Variants in ZNF385B observed in about 807,000 individuals in gnomAD.
ZNF385B encodes zinc finger protein 533.
ZNF385B carries 23 observed loss-of-function variants against 39.2 expected under a neutral mutation model. The ratio of observed to expected loss-of-function variants is 0.59; its 90% CI spans 0.42 to 0.83. The LOEUF is 0.83. Ranked by LOEUF, ZNF385B falls within the 40% of genes least tolerant of loss-of-function variation. The pLI, the probability that ZNF385B is intolerant of heterozygous loss-of-function variation, is 0.00. For missense variants in ZNF385B, 552 were observed against 598.9 expected, an observed-to-expected ratio of 0.92 and a Z score of 0.82; for synonymous variants, 205 against 222.6, an observed-to-expected ratio of 0.92 and a Z score of 0.70.
At chr2:179,537,400 T>G (rs1403350133) in intron 4 of ZNF385B, among the ~76,000 whole-genome samples, 1 of 152,020 alleles carries the variant, frequency 6.6e-6, no homozygotes, top group Admixed American at 6.6e-5. Context: ...CTATGTGTTT[T>G]TTCCCCATCC....
chr2:179,522,351 T>C (rs1474075), intron 4 of ZNF385B, among the ~76,000 whole-genome samples: 95,074 of 151,790 alleles, frequency 0.63, 30,746 homozygotes, highest in Admixed American at 0.71. Flanking sequence ...TTTCCTTTGC[T>C]AGTGCATTAC....
At chr2:179,457,946 G>A (rs753333495) in intron 6 of ZNF385B, among the ~76,000 whole-genome samples, 13 of 152,164 alleles carry the variant, frequency 8.5e-5, no homozygotes, top group Non-Finnish European at 1.3e-4. Flanking sequence ...GATAGAGCAT[G>A]GATTCAAACA....
chr2:179,639,185 G>A (rs1692029372), intron 3 of ZNF385B, among the ~76,000 whole-genome samples: 1 of 137,172 alleles, frequency 7.3e-6, no homozygotes, highest in South Asian at 2.4e-4. Context: ...CCAAGATGGT[G>A]CCGCTGTACT....
chr2:179,555,317 T>A (rs2060835291), intron 3 of ZNF385B, among the ~76,000 whole-genome samples: 1 of 149,424 alleles, frequency 6.7e-6, no homozygotes. Flanking sequence ...GCTTTCCTTA[T>A]AGAAAGGATG....
intron 5 of ZNF385B, among the ~76,000 whole-genome samples, chr2:179,514,511 G>T (rs557036234): frequency 6.6e-6 from 1 of 152,264 alleles, no homozygotes; most frequent in Non-Finnish European, 1.5e-5. Context: ...TATAAAAAGA[G>T]TATGGGAGCT....
intron 3 of ZNF385B, among the ~76,000 whole-genome samples, chr2:179,621,154 A>C (rs1200235203): frequency 6.6e-6 from 1 of 152,180 alleles, no homozygotes; most frequent in Non-Finnish European, 1.5e-5. Flanking sequence ...TGGGGTAGAA[A>C]AAAAGGGGAG....
At chr2:179,521,497 G>A (rs934212399) in intron 4 of ZNF385B, among the ~76,000 whole-genome samples, 1 of 151,700 alleles carries the variant, frequency 6.6e-6, no homozygotes, top group Non-Finnish European at 1.5e-5. Context: ...ATTGTGCCCG[G>A]CCCCTAATAG....
rs1272465421 is a variant in ZNF385B, at chr2:179,651,274, A to G, written c.299-106305T>C. 3.9e-5 allele frequency among the ~76,000 whole-genome samples: 6 copies of G among 152,250 alleles called. No homozygotes were observed. The East Asian group carries it at 1.2e-3, about 29-fold the overall frequency. On this transcript the variant is annotated intron_variant, in intron 3 of 9. Transcript: ENST00000410066. ...GCTATATTTTGAAACAAAATGTTCA[A>G]TAATATATTTTCAGGTGAGGGATCA...
At chr2:179,521,506 A>G (rs1462489826) in intron 4 of ZNF385B, among the ~76,000 whole-genome samples, 4 of 151,712 alleles carry the variant, frequency 2.6e-5, no homozygotes, top group Non-Finnish European at 5.9e-5. Context: ...GGCCCCTAAT[A>G]GTTTTATTCT....
intron 3 of ZNF385B, among the ~76,000 whole-genome samples, chr2:179,727,496 T>A (rs1440963094): frequency 6.6e-6 from 1 of 152,076 alleles, no homozygotes; most frequent in Non-Finnish European, 1.5e-5. Context: ...AATGGCTACA[T>A]CTGCCCTTTT....
At chr2:179,769,828 C>T (rs1703911913) in intron 2 of ZNF385B, 26 bp from the exon 3 acceptor site, 1 of 1,559,026 alleles carries the variant, frequency 6.4e-7, no homozygotes, top group South Asian at 1.2e-5. Flanking sequence ...AGTACAAGTG[C>T]TTCTGAAATG....
chr2:179,783,015 G>A (rs547078897), intron 1 of ZNF385B, among the ~76,000 whole-genome samples: 11 of 151,992 alleles, frequency 7.2e-5, no homozygotes, highest in African/African-American at 1.9e-4. Context: ...AAAATAGCCC[G>A]AATGGCCAAG....
chr2:179,509,015 G>T (rs2057460250), intron 5 of ZNF385B, among the ~76,000 whole-genome samples: 2 of 147,760 alleles, frequency 1.4e-5, no homozygotes, highest in Non-Finnish European at 1.5e-5. Flanking sequence ...GGTGTGATCT[G>T]GGCTCACTGT....
intron 3 of ZNF385B, among the ~76,000 whole-genome samples, chr2:179,718,466 C>T (rs990129648): frequency 1.4e-5 from 2 of 147,198 alleles, no homozygotes; most frequent in African/African-American, 4.9e-5. Context: ...TGATCAAAGA[C>T]ATATAATCAT....
At chr2:179,752,962 C>A (rs1304410264) in intron 3 of ZNF385B, among the ~76,000 whole-genome samples, 3 of 152,130 alleles carry the variant, frequency 2.0e-5, no homozygotes, top group Admixed American at 6.6e-5. Context: ...TCAATTCTGG[C>A]TTTTGTTGCC....
chr2:179,444,695 T>C (rs532072494), intron 9 of ZNF385B, among the ~76,000 whole-genome samples, 181 bp downstream of exon 9: 1 of 152,188 alleles, frequency 6.6e-6, no homozygotes, highest in Non-Finnish European at 1.5e-5. Context: ...CAGTTTCTGT[T>C]TTCTAAGTAA....
intron 5 of ZNF385B, among the ~76,000 whole-genome samples, chr2:179,493,527 A>G (rs558580510): frequency 6.6e-6 from 1 of 151,402 alleles, no homozygotes; most frequent in East Asian, 1.9e-4. Context: ...ATATGTGTGT[A>G]CATATATGCG....
intron 1 of ZNF385B, among the ~76,000 whole-genome samples, chr2:179,811,981 G>T (rs1045006039): frequency 6.6e-6 from 1 of 152,096 alleles, no homozygotes; most frequent in African/African-American, 2.4e-5. Context: ...ATGGGCAAAA[G>T]ACATGAACAG....
At chr2:179,560,443 T>C (rs1442024988) in intron 3 of ZNF385B, among the ~76,000 whole-genome samples, 2 of 152,216 alleles carry the variant, frequency 1.3e-5, no homozygotes, top group African/African-American at 2.4e-5. Flanking sequence ...TGTATTTAAC[T>C]TGAGAAAGCA....
Sources: gnomAD v4.1 joint callset for allele counts (sites outside exome capture counted in the v4.1 genomes callset) on GRCh38, gnomAD v4.1.1 for gene constraint, MANE v1.5 for transcripts, NCBI Gene and HGNC (gene_info 2026-07-23, HGNC 2026-07-21) for gene names.